PHKA1: variants seen among roughly 807,000 people sequenced by gnomAD.
PHKA1 encodes the protein phosphorylase b kinase regulatory subunit alpha, skeletal muscle isoform.
In PHKA1, 60 loss-of-function variants were observed where a neutral mutation model predicts 110.2. The ratio of observed to expected loss-of-function variants is 0.54; its 90% CI spans 0.44 to 0.68. The LOEUF (loss-of-function observed/expected upper bound fraction) is 0.68, where lower values mean the gene tolerates loss of function less well. Ranked by LOEUF, PHKA1 falls within the 30% of genes least tolerant of loss-of-function variation. The probability of loss-of-function intolerance (pLI) is 0.00; values close to 1 mark genes in which losing one functional copy is unlikely to be tolerated. For missense variants in PHKA1, 801 were observed against 942.5 expected, an observed-to-expected ratio of 0.85 and a Z score of 1.97; for synonymous variants, 316 against 333.6, an observed-to-expected ratio of 0.95 and a Z score of 0.58.
chrX:72,586,418 T>A (rs1477204444), intron 29 of PHKA1, among the ~76,000 whole-genome samples: 1 of 111,633 alleles, frequency 9.0e-6, no homozygotes, highest in Non-Finnish European at 1.9e-5. Flanking sequence ...CAAAACCCCA[T>A]CTGTAGGTCA....
At chrX:72,682,243 G>T (rs1378617390) in intron 5 of PHKA1, among the ~76,000 whole-genome samples, 15 of 92,860 alleles carry the variant, frequency 1.6e-4, no homozygotes, top group African/African-American at 5.8e-4. Context: ...GAGGTTGGGG[G>T]GTCAGCCCCC....
chrX:72,620,688 C>A, intron 19 of PHKA1, 37 bp downstream of exon 19: 1 of 1,151,192 alleles, frequency 8.7e-7, no homozygotes, highest in Non-Finnish European at 1.2e-6. Flanking sequence ...TTCACGTCAT[C>A]CTGTGCCTGA....
At chrX:72,705,345 A>G in intron 2 of PHKA1, 100 bp from the exon 3 acceptor site, 1 of 587,293 alleles carries the variant, frequency 1.7e-6, no homozygotes, top group African/African-American at 2.2e-5. Flanking sequence ...GAGAACAAGT[A>G]ACCCTATCCT....
intron 9 of PHKA1, 44 bp from the exon 10 acceptor site, chrX:72,656,286 T>A: frequency 8.5e-7 from 1 of 1,172,618 alleles, no homozygotes. Context: ...AGAGGTTAGA[T>A]GTATATCTTT....
chrX:72,645,822 G>T (rs1406027894), intron 13 of PHKA1, among the ~76,000 whole-genome samples: 1 of 112,007 alleles, frequency 8.9e-6, no homozygotes, highest in Non-Finnish European at 1.9e-5. Flanking sequence ...AGAGATAAGT[G>T]CACAAAACTT....
intron 14 of PHKA1, among the ~76,000 whole-genome samples, chrX:72,638,535 T>C (rs1569437928): frequency 9.0e-6 from 1 of 111,230 alleles, no homozygotes; most frequent in Non-Finnish European, 1.9e-5. Context: ...GTATAAAGAA[T>C]TGTAGAGGCT....
intron 2 of PHKA1, among the ~76,000 whole-genome samples, chrX:72,706,389 C>T (rs1411639453): frequency 2.7e-5 from 3 of 111,623 alleles, no homozygotes; most frequent in Non-Finnish European, 3.8e-5. Flanking sequence ...ACTGTAACCC[C>T]TACAAGAAGA....
chrX:72,603,291 T>A, intron 25 of PHKA1, 71 bp from the exon 26 acceptor site: 2 of 629,148 alleles, frequency 3.2e-6, no homozygotes, highest in Non-Finnish European at 5.2e-6. Context: ...ATTTTCTCTA[T>A]TTCTTTTCTT....
intron 4 of PHKA1, among the ~76,000 whole-genome samples, chrX:72,691,294 T>G (rs1244123767): frequency 8.9e-6 from 1 of 112,664 alleles, no homozygotes; most frequent in African/African-American, 3.2e-5. Flanking sequence ...GTACCTGTAC[T>G]GTTTTAATTA....
Position 72,666,951 on chromosome X carries a change from A to G in PHKA1, c.717+424T>C, listed in dbSNP as rs782445026. On this transcript the variant is annotated intron_variant, in intron 7 of 31. Coordinates refer to ENST00000373542, the MANE Select transcript of PHKA1 (RefSeq NM_002637.4). ...ACAAAACTGAAAATACATATTTGCCACTTAAAGTCTAATCTCCAAATATCT... is the reference window on the plus strand; with the variant it reads ...ACAAAACTGAAAATACATATTTGCCGCTTAAAGTCTAATCTCCAAATATCT... 1.3e-4 allele frequency among the ~76,000 whole-genome samples: 15 copies of G among 112,673 alleles called. No homozygotes were observed. In the South Asian group the frequency reaches 5.5e-3, roughly 42 times the overall value.
intron 29 of PHKA1, among the ~76,000 whole-genome samples, chrX:72,592,318 C>A: frequency 8.9e-6 from 1 of 112,498 alleles, no homozygotes; most frequent in Non-Finnish European, 1.9e-5. Context: ...GGAAGAATAT[C>A]CATGCCCAAA....
chrX:72,584,356 C>A, intron 29 of PHKA1, 54 bp from the exon 30 acceptor site: 1 of 1,058,738 alleles, frequency 9.4e-7, no homozygotes, highest in South Asian at 1.9e-5. Context: ...CAAGGATAGA[C>A]AAACAACGGG....
At chrX:72,642,179 C>T (rs782674343) in intron 14 of PHKA1, among the ~76,000 whole-genome samples, 1 of 111,450 alleles carries the variant, frequency 9.0e-6, no homozygotes, top group East Asian at 2.8e-4. Context: ...AAGATGGAGT[C>T]TAGGTTTTGA....
At chrX:72,610,080 G>A (rs1261408493) in intron 22 of PHKA1, among the ~76,000 whole-genome samples, 2 of 110,925 alleles carry the variant, frequency 1.8e-5, no homozygotes, top group African/African-American at 6.6e-5. Context: ...GGGTAATTGA[G>A]ACATCCATCA....
intron 13 of PHKA1, among the ~76,000 whole-genome samples, chrX:72,647,522 G>A (rs142728517): frequency 3.4e-3 from 378 of 111,992 alleles, no homozygotes; most frequent in Non-Finnish European, 5.7e-3. Context: ...GATGAGATGG[G>A]TCAAGGAGAA....
intron 14 of PHKA1, among the ~76,000 whole-genome samples, chrX:72,644,007 A>C (rs974235742): frequency 4.5e-5 from 5 of 111,976 alleles, no homozygotes; most frequent in African/African-American, 9.7e-5. Context: ...AGTATAAAAG[A>C]CCTAAAAACA....
intron 26 of PHKA1, 26 bp from the exon 27 acceptor site, chrX:72,602,299 A>G (rs782655073): frequency 5.4e-6 from 5 of 929,908 alleles, no homozygotes; most frequent in Admixed American, 2.2e-5. Context: ...GATTACAGAG[A>G]AAGAGAGAGG....
intron 28 of PHKA1, among the ~76,000 whole-genome samples, 176 bp downstream of exon 28, chrX:72,601,815 C>T (rs1182899890): frequency 2.7e-5 from 3 of 111,545 alleles, no homozygotes; most frequent in Non-Finnish European, 5.7e-5. Flanking sequence ...CTAAAATTAA[C>T]AAAGTACTTT....
At chrX:72,673,643 G>C (rs1207941540) in intron 6 of PHKA1, among the ~76,000 whole-genome samples, 2 of 109,127 alleles carry the variant, frequency 1.8e-5, no homozygotes, top group African/African-American at 6.7e-5. Flanking sequence ...GTATTTCTCT[G>C]TCAAACACTT....
Sources: gnomAD v4.1 joint callset for allele counts (sites outside exome capture counted in the v4.1 genomes callset) on GRCh38, gnomAD v4.1.1 for gene constraint, MANE v1.5 for transcripts, NCBI Gene and HGNC (gene_info 2026-07-23, HGNC 2026-07-21) for gene names.